CDH18: variants seen among roughly 807,000 people sequenced by gnomAD.
The protein encoded by CDH18 is cadherin 18, also known as cadherin-18.
Under a neutral mutation model 67.9 loss-of-function variants are expected in CDH18, and 31 were observed. The observed-to-expected ratio is 0.46, with a 90% confidence interval of 0.34 to 0.62. The LOEUF (loss-of-function observed/expected upper bound fraction) is 0.62. CDH18 is among the 20% of genes least tolerant of loss of function. The pLI, the probability that CDH18 is intolerant of heterozygous loss-of-function variation, is 0.01. For missense variants in CDH18, 890 were observed against 975.5 expected, an observed-to-expected ratio of 0.91 and a Z score of 1.17; for synonymous variants, 362 against 347.2, an observed-to-expected ratio of 1.04 and a Z score of -0.48.
At chr5:20,293,557 G>A (rs905407358) in intron 1 of CDH18, among the ~76,000 whole-genome samples, 1 of 152,074 alleles carries the variant, frequency 6.6e-6, no homozygotes, top group African/African-American at 2.4e-5. Context: ...TTTATTTGGG[G>A]TATTTAGAAT....
chr5:20,549,722 C>T (rs1351135088), intron 1 of CDH18, among the ~76,000 whole-genome samples: 4 of 151,940 alleles, frequency 2.6e-5, no homozygotes, highest in Non-Finnish European at 4.4e-5. Flanking sequence ...TGAAATAAAC[C>T]GCTATAGTAA....
intron 5 of CDH18, among the ~76,000 whole-genome samples, chr5:19,634,534 A>G (rs550597630): frequency 2.6e-5 from 4 of 152,364 alleles, no homozygotes; most frequent in African/African-American, 9.6e-5. Context: ...AGAGAAGCAC[A>G]AGTAACATCA....
At chr5:19,509,210 C>T (rs922713481) in intron 10 of CDH18, among the ~76,000 whole-genome samples, 3 of 151,984 alleles carry the variant, frequency 2.0e-5, no homozygotes, top group African/African-American at 4.8e-5. Context: ...AAATACCACG[C>T]GTTCTCACTT....
chr5:20,549,053 G>T (rs536926770), intron 1 of CDH18, among the ~76,000 whole-genome samples: 1 of 152,234 alleles, frequency 6.6e-6, no homozygotes, highest in East Asian at 1.9e-4. Flanking sequence ...AAGAAAAAAT[G>T]TCTCATGCTG....
At chr5:20,518,101 A>G (rs1755490100) in intron 1 of CDH18, among the ~76,000 whole-genome samples, 1 of 152,100 alleles carries the variant, frequency 6.6e-6, no homozygotes, top group East Asian at 1.9e-4. Flanking sequence ...CCAGTAAGAA[A>G]CAACAGAACT....
chr5:20,283,367 A>G (rs770480996), intron 1 of CDH18, among the ~76,000 whole-genome samples: 12 of 152,092 alleles, frequency 7.9e-5, no homozygotes, highest in Non-Finnish European at 1.6e-4. Context: ...GTGGCTAATT[A>G]CCAGAGTATA....
At chr5:19,641,144 A>G (rs1753938404) in intron 5 of CDH18, among the ~76,000 whole-genome samples, 1 of 60,160 alleles carries the variant, frequency 1.7e-5, no homozygotes, top group East Asian at 3.7e-4. Flanking sequence ...AAATTTTTCA[A>G]AAAAAAAAAA....
chr5:20,378,147 G>C lies in CDH18; in HGVS notation c.-579-122642C>G, dbSNP rs148513235. Among the ~76,000 whole-genome samples the C allele has an allele frequency of 2.6e-5, 4 of 152,150 alleles. No individual in the cohort carries two copies. The East Asian group carries it at 5.8e-4, about 22-fold the overall frequency. On this transcript the variant is annotated intron_variant, in intron 1 of 14. Coordinates refer to the CDH18 transcript ENST00000507958. ...AAAGAGAATGCTCTTCTCAGTTAAC[G>C]TCATTAACAGATGACCCTCGTTTCT...
At chr5:20,476,369 A>G (rs1385111595) in intron 1 of CDH18, among the ~76,000 whole-genome samples, 1 of 151,712 alleles carries the variant, frequency 6.6e-6, no homozygotes, top group Non-Finnish European at 1.5e-5. Flanking sequence ...GCCTGAAAAT[A>G]AAATACCAAC....
intron 2 of CDH18, among the ~76,000 whole-genome samples, chr5:20,253,499 G>T (rs114098411): frequency 1.3e-5 from 2 of 152,124 alleles, no homozygotes; most frequent in Non-Finnish European, 2.9e-5. Flanking sequence ...CCCCATCCAA[G>T]GGATCCAAAG....
chr5:19,799,879 T>C (rs1006889738), intron 3 of CDH18, among the ~76,000 whole-genome samples: 15 of 152,158 alleles, frequency 9.9e-5, no homozygotes, highest in African/African-American at 3.4e-4. Context: ...CACAAACAGA[T>C]ACATTCATCT....
chr5:19,754,865 G>A (rs1771320533), intron 3 of CDH18, among the ~76,000 whole-genome samples: 2 of 152,178 alleles, frequency 1.3e-5, no homozygotes, highest in African/African-American at 4.8e-5. Flanking sequence ...AGGAACCTTT[G>A]AACCCATGCA....
intron 9 of CDH18, among the ~76,000 whole-genome samples, chr5:19,522,945 T>C (rs1747159572): frequency 6.7e-6 from 1 of 148,790 alleles, no homozygotes; most frequent in Non-Finnish European, 1.5e-5. Context: ...TTATCAAGGC[T>C]TACTACACTT....
intron 3 of CDH18, among the ~76,000 whole-genome samples, chr5:19,774,696 C>T (rs997231754): frequency 9.3e-5 from 14 of 150,114 alleles, no homozygotes; most frequent in African/African-American, 3.2e-4. Flanking sequence ...GTGGTATGCA[C>T]CTATAGTCCC....
chr5:19,981,234 C>G (rs1400158828), intron 1 of CDH18, 56 bp from the exon 2 acceptor site: 1 of 152,092 alleles, frequency 6.6e-6, no homozygotes, highest in Non-Finnish European at 1.5e-5. Flanking sequence ...AATGTCACCT[C>G]TCTGCTCAGA....
At chr5:19,499,511 TTCTC>T (rs1742882294) in intron 11 of CDH18, among the ~76,000 whole-genome samples, 1 of 152,040 alleles carries the variant, frequency 6.6e-6, no homozygotes, top group African/African-American at 2.4e-5. Flanking sequence ...ATCTATATAG[TTCTC>T]TATATATGTC....
chr5:20,229,412 G>A (rs1741891749), intron 2 of CDH18, among the ~76,000 whole-genome samples: 4 of 151,916 alleles, frequency 2.6e-5, no homozygotes, highest in Admixed American at 1.3e-4. Flanking sequence ...TACTGATTAT[G>A]ATTAGCACAT....
chr5:20,028,846 C>T (rs948223855), intron 2 of CDH18, among the ~76,000 whole-genome samples: 5 of 152,036 alleles, frequency 3.3e-5, no homozygotes, highest in African/African-American at 9.7e-5. Flanking sequence ...TGCAGAAAAC[C>T]GAAATCTCAG....
At chr5:19,969,779 G>T (rs1387585600) in intron 2 of CDH18, among the ~76,000 whole-genome samples, 1 of 151,642 alleles carries the variant, frequency 6.6e-6, no homozygotes, top group East Asian at 1.9e-4. Context: ...CACCAGCATG[G>T]CACATGTATA....
Sources: allele counts gnomAD v4.1 joint callset (sites outside exome capture counted in the v4.1 genomes callset), GRCh38; gene constraint gnomAD v4.1.1; transcripts MANE v1.5; gene names NCBI Gene and HGNC (gene_info 2026-07-23, HGNC 2026-07-21).